Variants in CCDC178 observed in about 807,000 individuals in gnomAD.
The protein encoded by CCDC178 is coiled-coil domain containing 178.
A neutral mutation model predicts 117.4 loss-of-function variants in CCDC178; 126 were observed. The observed-to-expected ratio is 1.07, with a 90% CI of 0.93 to 1.24. CCDC178 has a LOEUF of 1.24. Ranked by LOEUF, CCDC178 falls within the 50% of genes most tolerant of loss-of-function variation. The pLI is 0.00. For missense variants in CCDC178, 1,030 were observed against 986.9 expected, an observed-to-expected ratio of 1.04 and a Z score of -0.59; for synonymous variants, 283 against 313.4, an observed-to-expected ratio of 0.90 and a Z score of 1.02.
intron 20 of CCDC178, among the ~76,000 whole-genome samples, chr18:33,123,675 C>T (rs2057966456): frequency 6.6e-6 from 1 of 152,066 alleles, no homozygotes; most frequent in African/African-American, 2.4e-5. Flanking sequence ...TCACTCTTTT[C>T]AAATAAAAAC....
rs114824415 is a variant in CCDC178, at chr18:33,152,506, G to A, written c.2238+59390C>T. Among the ~76,000 whole-genome samples the A allele has an allele frequency of 4.8e-3, 726 of 151,904 alleles. 5 individuals carry two copies. The highest frequency in any genetic ancestry group is 0.017 in the African/African-American group (692 of 41,426). ...TTGTGCCACTGGAAACCCAGAGCTC[G>A]CCAGGAAGGAGCCAAGGCTAGACTC... is the stretch of plus-strand genomic sequence containing the variant. On this transcript the variant is annotated intron_variant, in intron 20 of 22. Coordinates refer to ENST00000383096, the MANE Select transcript of CCDC178 (RefSeq NM_001105528.4).
chr18:33,424,117 A>G (rs2064077358), intron 2 of CCDC178, among the ~76,000 whole-genome samples: 1 of 152,154 alleles, frequency 6.6e-6, no homozygotes, highest in African/African-American at 2.4e-5. Context: ...GTGCAAATAT[A>G]TTGGTATTCT....
intron 11 of CCDC178, among the ~76,000 whole-genome samples, chr18:33,305,324 G>A (rs151164565): frequency 1.1e-3 from 172 of 152,272 alleles, no homozygotes; most frequent in Middle Eastern, 3.4e-3. Context: ...AAGCAGGCAC[G>A]CAAAGGGTTA....
intron 20 of CCDC178, among the ~76,000 whole-genome samples, chr18:33,130,232 C>T (rs1405881206): frequency 1.3e-5 from 2 of 151,890 alleles, no homozygotes; most frequent in Admixed American, 1.3e-4. Context: ...TTTAAAATAT[C>T]TGTAAAAAAT....
In CCDC178 at chr18:33,434,913, C is replaced by T. The variant is rs2144982268; in HGVS notation, c.-23+5049G>A. Among the ~76,000 whole-genome samples, 4 of 152,150 alleles carry T rather than the reference C, an allele frequency of 2.6e-5. No homozygotes were observed. The South Asian group carries it at 8.3e-4, about 32-fold the overall frequency. On this transcript the variant is annotated intron_variant, in intron 2 of 22. Transcript: ENST00000383096. ...TCTTCATCAATTTTCAAATTTTCCG[C>T]TAATTTTCAATATTTCAGAAATCAA...
intron 20 of CCDC178, among the ~76,000 whole-genome samples, chr18:33,161,070 T>C (rs2058456279): frequency 6.6e-6 from 1 of 152,052 alleles, no homozygotes; most frequent in Admixed American, 6.6e-5. Flanking sequence ...AGATCAACTG[T>C]TCTAGCCTTG....
intron 21 of CCDC178, among the ~76,000 whole-genome samples, chr18:33,026,788 A>C (rs1487796149): frequency 3.3e-5 from 5 of 151,872 alleles, no homozygotes; most frequent in Non-Finnish European, 7.4e-5. Flanking sequence ...ACAAATGAAG[A>C]AAAAAAGCAA....
intron 10 of CCDC178, among the ~76,000 whole-genome samples, chr18:33,324,216 A>T (rs1181171453): frequency 6.6e-6 from 1 of 151,834 alleles, no homozygotes; most frequent in Non-Finnish European, 1.5e-5. Context: ...TCGCTGTATC[A>T]CATTACTTTT....
intron 21 of CCDC178, among the ~76,000 whole-genome samples, chr18:33,034,454 GGTTA>G (rs1264793444): frequency 6.6e-6 from 1 of 151,854 alleles, no homozygotes; most frequent in Non-Finnish European, 1.5e-5. Context: ...TTCCAAATTG[GGTTA>G]GTGACATTCT....
intron 2 of CCDC178, among the ~76,000 whole-genome samples, chr18:33,433,351 C>T (rs2064246253): frequency 6.6e-6 from 1 of 152,134 alleles, no homozygotes; most frequent in Non-Finnish European, 1.5e-5. Context: ...ACTTCTAGTT[C>T]ATATGAGCTA....
At chr18:33,438,528 CACACACACACGGCAA>C (rs1464560013) in intron 2 of CCDC178, among the ~76,000 whole-genome samples, 1 of 149,818 alleles carries the variant, frequency 6.7e-6, no homozygotes, top group Non-Finnish European at 1.5e-5. Flanking sequence ...TACACACACA[CACACACACACGGCAA>C]ACACACACAC....
intron 2 of CCDC178, among the ~76,000 whole-genome samples, chr18:33,435,734 T>C (rs545882772): frequency 6.6e-6 from 1 of 150,916 alleles, no homozygotes; most frequent in African/African-American, 2.4e-5. Context: ...CTACAAGAAG[T>C]AGAAATGGAA....
chr18:33,223,277 A>C, intron 17 of CCDC178, 58 bp from the exon 18 acceptor site: 5 of 1,494,286 alleles, frequency 3.3e-6, no homozygotes, highest in Non-Finnish European at 4.5e-6. Context: ...ATCCTCATTT[A>C]GGCCAAATCG....
At chr18:33,392,584 G>C (rs2063577732) in intron 4 of CCDC178, among the ~76,000 whole-genome samples, 1 of 152,088 alleles carries the variant, frequency 6.6e-6, no homozygotes, top group African/African-American at 2.4e-5. Context: ...GTCAGATACT[G>C]ACACGAAAGA....
intron 5 of CCDC178, among the ~76,000 whole-genome samples, chr18:33,388,761 C>T (rs554295580): frequency 5.9e-5 from 9 of 151,618 alleles, no homozygotes; most frequent in East Asian, 1.9e-4. Context: ...CCTCGTGATC[C>T]GCCCGCCTCG....
At chr18:33,054,422 G>GC (rs893181721) in intron 21 of CCDC178, among the ~76,000 whole-genome samples, 8 of 151,966 alleles carry the variant, frequency 5.3e-5, no homozygotes, top group Non-Finnish European at 7.4e-5. Context: ...TGCTCTACCT[G>GC]CCCCCCATAC....
At chr18:33,243,440 G>A (rs1482541923) in intron 15 of CCDC178, among the ~76,000 whole-genome samples, 1 of 151,790 alleles carries the variant, frequency 6.6e-6, no homozygotes, top group African/African-American at 2.4e-5. Flanking sequence ...TTGAGATGAT[G>A]GGTATGTTAA....
At chr18:33,407,427 A>G (rs1045506649) in intron 3 of CCDC178, among the ~76,000 whole-genome samples, 3 of 152,178 alleles carry the variant, frequency 2.0e-5, no homozygotes, top group Admixed American at 6.6e-5. Context: ...AAGGAAGGTA[A>G]TAATATCCCA....
chr18:33,441,032 C>T (rs2064380992), upstream of CCDC178: 1 of 152,282 alleles, frequency 6.6e-6, no homozygotes, highest in Non-Finnish European at 1.5e-5. Context: ...CAGACTTCGT[C>T]CACCTTCGGG....
Sources: gnomAD v4.1 joint callset for allele counts (sites outside exome capture counted in the v4.1 genomes callset) on GRCh38, gnomAD v4.1.1 for gene constraint, MANE v1.5 for transcripts, NCBI Gene and HGNC (gene_info 2026-07-23, HGNC 2026-07-21) for gene names.